The following SLC12A2 variants were observed in gnomAD, a reference collection of about 807,000 sequenced individuals.
SLC12A2 encodes the protein Na-K-2Cl cotransporter 1.
A neutral mutation model predicts 136.3 loss-of-function variants in SLC12A2; 67 were observed. That is an observed-to-expected ratio of 0.49 (90% CI 0.40 to 0.60). The LOEUF is 0.60. Ranked by LOEUF, SLC12A2 falls within the 20% of genes least tolerant of loss-of-function variation. The pLI is 0.00. For synonymous variants in SLC12A2, 619 were observed against 562.9 expected (o/e 1.10, Z -1.41); for missense variants, 1,322 against 1,534.7 (o/e 0.86, Z 2.32).
intron 23 of SLC12A2, 81 bp from the exon 24 acceptor site, chr5:128,182,774 A>G: frequency 1.1e-6 from 1 of 939,962 alleles, no homozygotes; most frequent in African/African-American, 1.7e-5. Context: ...TTTTCTATAA[A>G]TCATGCTTTT....
At chr5:128,111,877 G>GA (rs527616573) in intron 1 of SLC12A2, among the ~76,000 whole-genome samples, 55 of 151,854 alleles carry the variant, frequency 3.6e-4, no homozygotes, top group Non-Finnish European at 6.6e-4. Context: ...GTGAAGTACT[G>GA]AAAATATGTT....
intron 23 of SLC12A2, among the ~76,000 whole-genome samples, chr5:128,181,537 C>T (rs978771610): frequency 2.0e-5 from 3 of 152,148 alleles, no homozygotes; most frequent in South Asian, 2.1e-4. Context: ...ATATTGTACA[C>T]ATTATGGGTC....
chr5:128,154,306 G>C (rs1454442068), intron 15 of SLC12A2, among the ~76,000 whole-genome samples: 1 of 151,744 alleles, frequency 6.6e-6, no homozygotes, highest in Non-Finnish European at 1.5e-5. Flanking sequence ...CATACCTGTG[G>C]TCGGGAGACT....
intron 10 of SLC12A2, among the ~76,000 whole-genome samples, chr5:128,145,092 G>T (rs890396805): frequency 1.3e-5 from 2 of 152,012 alleles, no homozygotes; most frequent in Non-Finnish European, 2.9e-5. Flanking sequence ...CTATTTAATA[G>T]AAAACAGAAA....
rs775801594 is a variant in SLC12A2 at position 128,084,587 on chromosome 5, C to T, written c.633C>T (p.Arg211=). ...CCCACACCAACACCTACTACCTGCG[C>T]ACCTTCGGCCACAACACCATGGACG... ...YDTHTNTYYL[R]TFGHNTMDAV... Residue 211 remains arginine (R), a synonymous_variant, in exon 1 of 27, where the codon CGC becomes CGT. Coordinates refer to ENST00000262461, the MANE Select transcript of SLC12A2 (RefSeq NM_001046.3). The surrounding 1 kb of genome is among the most constrained non-coding windows in gnomAD (Gnocchi z 5.6). The T allele has an allele frequency of 1.9e-6, 3 of 1,613,692 alleles. No individual in the cohort carries two copies. Among genetic ancestry groups the T allele is most frequent in the Admixed American group, 1.7e-5 (1 of 60,016 alleles).
intron 5 of SLC12A2, among the ~76,000 whole-genome samples, chr5:128,132,211 G>A (rs541539570): frequency 6.6e-6 from 1 of 152,204 alleles, no homozygotes; most frequent in South Asian, 2.1e-4. Flanking sequence ...GAATGGACTT[G>A]AGGAATCACA....
intron 1 of SLC12A2, among the ~76,000 whole-genome samples, chr5:128,085,840 A>G (rs1402547126): frequency 6.6e-6 from 1 of 152,236 alleles, no homozygotes; most frequent in Non-Finnish European, 1.5e-5. Context: ...AGAGGTAATT[A>G]CAGAGCTCTT....
intron 1 of SLC12A2, among the ~76,000 whole-genome samples, chr5:128,088,760 G>A (rs1051169405): frequency 2.0e-5 from 3 of 152,146 alleles, no homozygotes; most frequent in Non-Finnish European, 4.4e-5. Context: ...AAGGGGAAAG[G>A]TCAAGGGAGC....
At chr5:128,140,888 A>G (rs1762344030) in intron 9 of SLC12A2, among the ~76,000 whole-genome samples, 1 of 151,934 alleles carries the variant, frequency 6.6e-6, no homozygotes, top group Non-Finnish European at 1.5e-5. Flanking sequence ...TTGAAAAACA[A>G]AGAACTGTAT....
chr5:128,147,081 C>A (rs1369480136), intron 10 of SLC12A2, among the ~76,000 whole-genome samples: 5 of 130,502 alleles, frequency 3.8e-5, no homozygotes, highest in African/African-American at 6.8e-5. Flanking sequence ...TAATGTGTAA[C>A]CTTTTTTTTT....
At chr5:128,087,707 G>T (rs1458112936) in intron 1 of SLC12A2, among the ~76,000 whole-genome samples, 2 of 152,176 alleles carry the variant, frequency 1.3e-5, no homozygotes, top group Non-Finnish European at 2.9e-5. Flanking sequence ...TTAGGCTCTG[G>T]GTGGAGAATG....
chr5:128,186,768 C>G lies in SLC12A2; in HGVS notation c.*137C>G, dbSNP rs952627665. 1.1e-6 allele frequency: 1 copy of G among 933,624 alleles called. No homozygotes were observed. Among genetic ancestry groups the G allele is most frequent in the Admixed American group, 2.4e-5 (1 of 41,130 alleles). The allele number at this position is 933,624 out of a possible 1,614,324, so 57.8% of individuals were successfully genotyped here. On this transcript the variant is annotated 3_prime_UTR_variant, in exon 27 of 27. Coordinates refer to ENST00000262461, the MANE Select transcript of SLC12A2 (RefSeq NM_001046.3). The stretch of plus-strand genomic sequence containing the variant: ...ACGATTTCATTAATTTGAAAGCACA[C>G]AGGAAAGTTGCTCCATTGATAACGT...
intron 23 of SLC12A2, among the ~76,000 whole-genome samples, chr5:128,181,449 C>T (rs1243317169): frequency 1.3e-5 from 2 of 152,130 alleles, no homozygotes; most frequent in African/African-American, 4.8e-5. Flanking sequence ...TCTAAGTACT[C>T]TTGTTTTGTC....
At chr5:128,148,960 T>TTA in intron 12 of SLC12A2, 83 bp downstream of exon 12, 1 of 1,177,362 alleles carries the variant, frequency 8.5e-7, no homozygotes, top group Non-Finnish European at 1.2e-6. Flanking sequence ...ATTAACAATG[T>TTA]TATCTTGGTA....
intron 16 of SLC12A2, among the ~76,000 whole-genome samples, 188 bp from the exon 17 acceptor site, chr5:128,161,472 T>A (rs533950453): frequency 6.6e-6 from 1 of 152,276 alleles, no homozygotes; most frequent in South Asian, 2.1e-4. Flanking sequence ...CCTTAGCTAT[T>A]CCATCACCTC....
intron 1 of SLC12A2, among the ~76,000 whole-genome samples, chr5:128,090,505 G>T (rs543268489): frequency 6.6e-6 from 1 of 152,266 alleles, no homozygotes; most frequent in Non-Finnish European, 1.5e-5. Context: ...ACAAATCCTT[G>T]TTGAACATCA....
At chr5:128,151,443 A>G (rs1376655239) in intron 14 of SLC12A2, 47 bp downstream of exon 14, 1 of 1,513,454 alleles carries the variant, frequency 6.6e-7, no homozygotes, top group Non-Finnish European at 9.0e-7. Flanking sequence ...AACATCTAGA[A>G]GCTAGAAAAC....
chr5:128,105,404 G>A (rs973105167), intron 1 of SLC12A2, among the ~76,000 whole-genome samples: 3 of 152,198 alleles, frequency 2.0e-5, no homozygotes, highest in Non-Finnish European at 4.4e-5. Context: ...AGAAGAGTGT[G>A]TTGTTTCAAG....
At chr5:128,106,234 T>C (rs1760930188) in intron 1 of SLC12A2, among the ~76,000 whole-genome samples, 1 of 152,200 alleles carries the variant, frequency 6.6e-6, no homozygotes, top group Admixed American at 6.5e-5. Context: ...GAATATACAG[T>C]AAAAACCAAA....
Sources: gnomAD v4.1 joint callset for allele counts (sites outside exome capture counted in the v4.1 genomes callset) on GRCh38, gnomAD v4.1.1 for gene constraint, Gnocchi (gnomAD v3.1) non-coding constraint, MANE v1.5 for transcripts, NCBI Gene and HGNC (gene_info 2026-07-23, HGNC 2026-07-21) for gene names.